EXOC6: variants seen among roughly 807,000 people sequenced by gnomAD.
The protein encoded by EXOC6 is SEC15-like 1.
EXOC6 carries 60 observed loss-of-function variants against 112.5 expected under a neutral mutation model. The ratio of observed to expected loss-of-function variants is 0.53; its 90% CI spans 0.43 to 0.66. The LOEUF (loss-of-function observed/expected upper bound fraction) is 0.66. EXOC6 is among the 30% of genes least tolerant of loss of function. The probability of loss-of-function intolerance (pLI) is 0.00; values close to 1 mark genes in which losing one functional copy is unlikely to be tolerated. For missense variants in EXOC6, 855 were observed against 957.1 expected (o/e 0.89, Z 1.41); for synonymous variants, 295 against 308.0 (o/e 0.96, Z 0.44).
intron 13 of EXOC6, among the ~76,000 whole-genome samples, chr10:92,943,154 G>A (rs7078801): frequency 0.44 from 67,221 of 151,406 alleles, 15,632 homozygotes; most frequent in African/African-American, 0.57. Flanking sequence ...TAGTAGCTGG[G>A]ACTACAGGCG....
At chr10:93,050,585 C>G (rs911189976) in intron 20 of EXOC6, among the ~76,000 whole-genome samples, 3 of 151,566 alleles carry the variant, frequency 2.0e-5, no homozygotes, top group Non-Finnish European at 4.4e-5. Context: ...TGGTGAAACC[C>G]CATCTCTAAC....
chr10:92,910,269 A>T (rs1850669720), intron 6 of EXOC6, among the ~76,000 whole-genome samples: 1 of 152,240 alleles, frequency 6.6e-6, no homozygotes, highest in Non-Finnish European at 1.5e-5. Context: ...TGGTATATTC[A>T]TACAATGGAA....
chr10:92,947,486 C>G (rs1853100798), intron 13 of EXOC6, among the ~76,000 whole-genome samples: 1 of 152,212 alleles, frequency 6.6e-6, no homozygotes. Context: ...TATAAAAGAT[C>G]CATTTCTAAT....
At chr10:92,983,207 G>T (rs1842886769) in intron 18 of EXOC6, among the ~76,000 whole-genome samples, 1 of 152,108 alleles carries the variant, frequency 6.6e-6, no homozygotes, top group South Asian at 2.1e-4. Flanking sequence ...AGGTTGTTCT[G>T]TTTTGCTTTC....
intron 18 of EXOC6, among the ~76,000 whole-genome samples, chr10:92,979,262 C>T (rs1044177066): frequency 6.6e-5 from 10 of 152,112 alleles, no homozygotes; most frequent in Admixed American, 5.2e-4. Context: ...GAGGTTCAAG[C>T]GATTCTCCTC....
At chr10:92,968,289 A>G (rs145084677) in intron 17 of EXOC6, among the ~76,000 whole-genome samples, 1 of 150,622 alleles carries the variant, frequency 6.6e-6, no homozygotes, top group African/African-American at 2.4e-5. Flanking sequence ...AGCTCAAGCG[A>G]TCCTCCCACC....
At chr10:93,049,773 C>A (rs1463940191) in intron 20 of EXOC6, among the ~76,000 whole-genome samples, 1 of 152,086 alleles carries the variant, frequency 6.6e-6, no homozygotes, top group Non-Finnish European at 1.5e-5. Flanking sequence ...GAAACAGGGT[C>A]TCACCGTGTT....
At chr10:92,913,105 C>T (rs1208947788) in intron 6 of EXOC6, among the ~76,000 whole-genome samples, 3 of 152,202 alleles carry the variant, frequency 2.0e-5, no homozygotes, top group Non-Finnish European at 4.4e-5. Flanking sequence ...TTACAATAAT[C>T]AGGAGCATTT....
At chr10:92,985,829 G>A (rs190591878) in intron 18 of EXOC6, among the ~76,000 whole-genome samples, 2 of 152,178 alleles carry the variant, frequency 1.3e-5, no homozygotes, top group African/African-American at 4.8e-5. Context: ...GTAGTCAACA[G>A]TACAATCATG....
intron 1 of EXOC6, among the ~76,000 whole-genome samples, chr10:92,829,321 G>T (rs771724109): frequency 6.6e-6 from 1 of 152,132 alleles, no homozygotes; most frequent in Admixed American, 6.6e-5. Context: ...TATAAAATCC[G>T]ATGCACTCCC....
At chr10:93,025,934 T>TC (rs1486631909) in intron 20 of EXOC6, among the ~76,000 whole-genome samples, 1 of 152,222 alleles carries the variant, frequency 6.6e-6, no homozygotes, top group African/African-American at 2.4e-5. Flanking sequence ...ATAACCACTA[T>TC]CATGACTTTT....
chr10:92,969,351 T>C lies in EXOC6; in HGVS notation c.1774-4702T>C, dbSNP rs2134069727. Among the ~76,000 whole-genome samples, 2 of 152,138 alleles carry C rather than the reference T, an allele frequency of 1.3e-5. 1 individual carries two copies. The highest frequency in any genetic ancestry group is 3.9e-4 in the East Asian group (2 of 5,180). ...TCCAGATGATTCTAATCCCCAGCTA[T>C]TGAGTCTTATTGCCAGCCTTCAAGT... is the stretch of plus-strand genomic sequence containing the variant. On this transcript the variant is annotated intron_variant, in intron 17 of 21. Transcript: ENST00000260762.
intron 20 of EXOC6, among the ~76,000 whole-genome samples, chr10:93,028,788 C>T (rs1473821047): frequency 2.1e-5 from 3 of 142,034 alleles, no homozygotes; most frequent in Non-Finnish European, 4.5e-5. Context: ...GAGCTGAGAT[C>T]GTGCCATTGC....
intron 17 of EXOC6, among the ~76,000 whole-genome samples, chr10:92,966,391 C>T (rs993514827): frequency 1.4e-5 from 2 of 146,382 alleles, no homozygotes; most frequent in Non-Finnish European, 3.0e-5. Context: ...CACCCATTAA[C>T]TCGTCATTTA....
At chr10:92,881,572 A>G (rs1848967686) in intron 1 of EXOC6, among the ~76,000 whole-genome samples, 1 of 152,152 alleles carries the variant, frequency 6.6e-6, no homozygotes. Flanking sequence ...GTGCACTTAC[A>G]CAATGCTTAA....
At chr10:93,036,739 A>T (rs1228807033) in intron 20 of EXOC6, among the ~76,000 whole-genome samples, 1 of 152,230 alleles carries the variant, frequency 6.6e-6, no homozygotes, top group Non-Finnish European at 1.5e-5. Flanking sequence ...GATTTATGGA[A>T]AAAATTAAGT....
At chr10:92,918,516 A>T (rs894279870) in intron 7 of EXOC6, among the ~76,000 whole-genome samples, 19 of 152,010 alleles carry the variant, frequency 1.2e-4, no homozygotes, top group East Asian at 7.7e-4. Context: ...TTATGTTCAA[A>T]TGCTCCTCCT....
intron 1 of EXOC6, among the ~76,000 whole-genome samples, chr10:92,875,133 TA>T (rs1848627207): frequency 6.6e-6 from 1 of 152,130 alleles, no homozygotes; most frequent in Non-Finnish European, 1.5e-5. Flanking sequence ...AAATAAAGAT[TA>T]AGAATCACTG....
chr10:92,917,572 G>A (rs1362448049), intron 7 of EXOC6, among the ~76,000 whole-genome samples: 2 of 142,648 alleles, frequency 1.4e-5, no homozygotes, highest in African/African-American at 2.6e-5. Flanking sequence ...TGTGTTGCCC[G>A]TGAGTGCAGT....
Sources: allele counts gnomAD v4.1 joint callset (sites outside exome capture counted in the v4.1 genomes callset), GRCh38; gene constraint gnomAD v4.1.1; transcripts MANE v1.5; gene names NCBI Gene and HGNC (gene_info 2026-07-23, HGNC 2026-07-21).